The following TBC1D2B variants were observed in gnomAD, a reference collection of about 807,000 sequenced individuals.
TBC1D2B encodes the protein TBC1 domain family member 2B, also known as TBC1 domain family, member 2B.
In TBC1D2B, 64 loss-of-function variants were observed where a neutral mutation model predicts 100.8. The observed-to-expected ratio is 0.64, with a 90% CI of 0.52 to 0.78. The LOEUF (loss-of-function observed/expected upper bound fraction) is 0.78. TBC1D2B is among the 30% of genes least tolerant of loss of function. The pLI, the probability that TBC1D2B is intolerant of heterozygous loss-of-function variation, is 0.00. For missense variants in TBC1D2B, 1,052 were observed against 1,218.4 expected, an observed-to-expected ratio of 0.86 and a Z score of 2.03; for synonymous variants, 480 against 479.7, an observed-to-expected ratio of 1.00 and a Z score of -0.01.
intron 1 of TBC1D2B, 87 bp downstream of exon 1, chr15:78,077,206 G>A (rs2073843058): frequency 6.5e-6 from 9 of 1,385,846 alleles, no homozygotes; most frequent in Non-Finnish European, 8.4e-6. Flanking sequence ...AGGCCTTGGA[G>A]GAAGGAGGGT....
Position 78,024,138 on chromosome 15 carries a change from C to T in TBC1D2B, c.1470+18G>A, listed in dbSNP as rs754089509. On this transcript the variant is annotated intron_variant, in intron 6 of 12. Coordinates refer to ENST00000300584, the MANE Select transcript of TBC1D2B (RefSeq NM_144572.2). ...TGGTCTCTCATGCCAATCACCAGAG[C>T]CCCTGCCCCACTCTTACTTTCAGCC... 20 of 1,594,814 alleles carry T rather than the reference C, an allele frequency of 1.3e-5. No homozygotes were observed. The highest frequency in any genetic ancestry group is 1.7e-5 in the Non-Finnish European group (20 of 1,170,324).
intron 1 of TBC1D2B, among the ~76,000 whole-genome samples, chr15:78,067,555 T>C (rs1369373838): frequency 6.6e-6 from 1 of 152,200 alleles, no homozygotes; most frequent in Non-Finnish European, 1.5e-5. Flanking sequence ...ACATCTCTGA[T>C]AACATTAGCC....
At position 78,024,377 on chromosome 15, in the gene TBC1D2B, A is replaced by G. The variant is rs201797488; in HGVS notation, c.1249T>C (p.Leu417=). 1.7e-4 allele frequency: 273 copies of G among 1,613,986 alleles called. 3 individuals carry two copies. The South Asian group carries it at 2.6e-3, about 15-fold the overall frequency. The change falls in exon 6 of 13, where the codon TTG becomes CTG. Residue 417 remains leucine, a synonymous_variant. Coordinates refer to ENST00000300584, the MANE Select transcript of TBC1D2B (RefSeq NM_144572.2). ...GLTSQLERFS[L]EKESLQQEVR... ...TCCTGCTGAAGACTCTCCTTCTCCA[A>G]GCTGAACCTCTCCAGCTGGCTGGTA...
chr15:78,013,321 T>C lies in TBC1D2B; in HGVS notation c.1776-4A>G, dbSNP rs2072284484. On this transcript the variant is annotated splice_region_variant and splice_polypyrimidine_tract_variant and intron_variant, in intron 8 of 12. Transcript: ENST00000300584. ...GAACCCATAAATATCATATTCACTG[T>C]TGATAAAAACAAAAGGAAAAATTAA... The C allele has an allele frequency of 8.2e-6, 13 of 1,577,420 alleles. No homozygotes were observed. Among genetic ancestry groups the C allele is most frequent in the African/African-American group, 1.4e-5 (1 of 73,300 alleles).
chr15:78,024,266 T>C lies in TBC1D2B; in HGVS notation c.1360A>G (p.Ile454Val). The C allele has an allele frequency of 6.2e-7, 1 of 1,614,044 alleles. No individual in the cohort carries two copies. The highest frequency in any genetic ancestry group is 8.5e-7 in the Non-Finnish European group (1 of 1,179,902). Residue 454 changes from isoleucine (I) to valine (V), a missense_variant, in exon 6 of 13, where the codon ATC becomes GTC. Physicochemically the swap from Ile to Val is conservative, Grantham distance 29. Coordinates refer to ENST00000300584, the MANE Select transcript of TBC1D2B (RefSeq NM_144572.2). ...METIQAKDEVIIKLSEGEGNG... is the reference protein window; with the variant it reads ...METIQAKDEVVIKLSEGEGNG... The stretch of plus-strand genomic sequence containing the variant: ...CCCTCGCCCTCGCTGAGCTTGATGA[T>C]GACCTCGTCCTTGGCTTGGATGGTC...
chr15:78,018,668 G>C (rs929774506), intron 6 of TBC1D2B, among the ~76,000 whole-genome samples: 2 of 152,118 alleles, frequency 1.3e-5, no homozygotes, highest in African/African-American at 4.8e-5. Context: ...AGCAGGTCGG[G>C]GCAGGACACA....
chr15:78,019,709 G>A lies in TBC1D2B; in HGVS notation c.1471-1752C>T, dbSNP rs1006593794. On this transcript the variant is annotated intron_variant, in intron 6 of 12. Transcript: ENST00000300584. ...TTGAGACCAGCCTGGCTAACATGGC[G>A]AAACCCTGTCTCTACTAAAAATACA... Among the ~76,000 whole-genome samples, 6 of 146,722 alleles carry A rather than the reference G, an allele frequency of 4.1e-5. No individual in the cohort carries two copies. In the East Asian group the frequency reaches 9.9e-4, roughly 24 times the overall value.
chr15:78,011,654 T>G (rs75660166), intron 9 of TBC1D2B, among the ~76,000 whole-genome samples: 6 of 141,804 alleles, frequency 4.2e-5, no homozygotes, highest in Admixed American at 1.4e-4. Flanking sequence ...GGTTTTTTTT[T>G]TTTTTTTTTT....
chr15:78,002,972 T>G (rs2141621813), intron 11 of TBC1D2B: 4 of 194,160 alleles, frequency 2.1e-5, no homozygotes, highest in East Asian at 1.1e-4. Flanking sequence ...ATCCCCTGCT[T>G]ATTAGATCTC....
At chr15:78,005,247 C>A (rs1567012429) in intron 10 of TBC1D2B, among the ~76,000 whole-genome samples, 1 of 152,190 alleles carries the variant, frequency 6.6e-6, no homozygotes. Flanking sequence ...CCCTCCTCCA[C>A]TGAGCTCTGG....
At chr15:78,026,643 T>C (rs950919856) in intron 4 of TBC1D2B, among the ~76,000 whole-genome samples, 2 of 152,104 alleles carry the variant, frequency 1.3e-5, no homozygotes, top group East Asian at 1.9e-4. Flanking sequence ...GGGACAGGCA[T>C]GGTGGCTCAC....
chr15:78,076,274 A>C (rs2073827699), intron 1 of TBC1D2B, among the ~76,000 whole-genome samples: 1 of 152,182 alleles, frequency 6.6e-6, no homozygotes, highest in South Asian at 2.1e-4. Flanking sequence ...AGGGAGCCTC[A>C]AAGGAGCAAG....
intron 1 of TBC1D2B, among the ~76,000 whole-genome samples, chr15:78,072,035 A>G (rs1050007848): frequency 3.3e-5 from 5 of 152,178 alleles, no homozygotes; most frequent in African/African-American, 1.2e-4. Context: ...CACTAATCCC[A>G]TTCGTGAAGG....
In TBC1D2B at chr15:78,002,213, C is replaced by G. The variant is rs529072480; in HGVS notation, c.2575-473G>C. On this transcript the variant is annotated intron_variant, in intron 11 of 12. Coordinates refer to ENST00000300584, the MANE Select transcript of TBC1D2B (RefSeq NM_144572.2). ...TTTATTTTTATTTTTGAGATACAGT[C>G]TTGCTCTGCCACCCAGGCTGGAATG... Among the ~76,000 whole-genome samples, 4 of 152,226 alleles carry G rather than the reference C, an allele frequency of 2.6e-5. No homozygotes were observed. The South Asian group carries it at 8.3e-4, about 32-fold the overall frequency.
In TBC1D2B at chr15:78,045,027, T is replaced by C. The variant is rs767603518; in HGVS notation, c.556A>G (p.Arg186Gly). Residue 186 changes from arginine (R) to glycine (G), a missense_variant, in exon 3 of 13, where the codon AGA becomes GGA. Arg to Gly is a moderately radical substitution (Grantham distance 125). Transcript: ENST00000300584. Reference protein sequence around the residue: ...PHPNASAEKARNVLAVETVPG... With the variant: ...PHPNASAEKAGNVLAVETVPG... Reference sequence around the variant, plus strand: ...ACAGTCTCCACAGCTAGGACATTTCTGGCTTTTTCTGCAGAAGCATTTGGG... The same window carrying C: ...ACAGTCTCCACAGCTAGGACATTTCCGGCTTTTTCTGCAGAAGCATTTGGG... The C allele has an allele frequency of 1.2e-6, 2 of 1,612,728 alleles. No homozygotes were observed. The highest frequency in any genetic ancestry group is 1.1e-5 in the South Asian group (1 of 90,876).
chr15:78,039,551 C>T lies in TBC1D2B; in HGVS notation c.683+5349G>A, dbSNP rs372606643. Reference sequence around the variant, plus strand: ...CCTTACACCTGCATTGAGAAAGGCACCCCATCCACCTGACTCAAGGAAGTG... The same window carrying T: ...CCTTACACCTGCATTGAGAAAGGCATCCCATCCACCTGACTCAAGGAAGTG... On this transcript the variant is annotated intron_variant, in intron 3 of 12. Coordinates refer to ENST00000300584, the MANE Select transcript of TBC1D2B (RefSeq NM_144572.2). Among the ~76,000 whole-genome samples, 3 of 152,122 alleles carry T rather than the reference C, an allele frequency of 2.0e-5. No homozygotes were observed. In the East Asian group the frequency reaches 5.8e-4, roughly 29 times the overall value.
chr15:77,995,798 G>C lies in TBC1D2B; in HGVS notation c.*2362C>G, dbSNP rs2071736056. On this transcript the variant is annotated 3_prime_UTR_variant, in exon 13 of 13. Coordinates refer to ENST00000300584, the MANE Select transcript of TBC1D2B (RefSeq NM_144572.2). ...GTCCCCCTTGCAGGGGCCACGGGCTGGGTGTTGGGGTGAAGGTTCAGAGGA... is the reference window on the plus strand; with the variant it reads ...GTCCCCCTTGCAGGGGCCACGGGCTCGGTGTTGGGGTGAAGGTTCAGAGGA... 6.6e-6 allele frequency: 1 copy of C among 152,068 alleles called. No homozygotes were observed. The highest frequency in any genetic ancestry group is 2.4e-5 in the African/African-American group (1 of 41,402). 9.4% of individuals were successfully genotyped at this position (152,068 alleles called of 1,614,324 possible).
In TBC1D2B at chr15:77,997,784, A is replaced by C; in HGVS notation, c.*376T>G. The stretch of plus-strand genomic sequence containing the variant: ...TCAAAACCACACACCACTGCCCACT[A>C]TGTACAGGAGAGAGAATATGGGGAG... On this transcript the variant is annotated 3_prime_UTR_variant, in exon 13 of 13. Coordinates refer to ENST00000300584, the MANE Select transcript of TBC1D2B (RefSeq NM_144572.2). 5 of 161,862 alleles carry C rather than the reference A, an allele frequency of 3.1e-5. No homozygotes were observed. The highest frequency in any genetic ancestry group is 2.9e-3 in the Middle Eastern group (1 of 340). The allele number at this position is 161,862 out of a possible 1,614,324, so 10.0% of individuals were successfully genotyped here. A position where few individuals can be genotyped will look rare whatever the true frequency, so the allele number is the denominator to read the frequency against.
chr15:78,016,746 A>G lies in TBC1D2B; in HGVS notation c.1582-7T>C. The G allele has an allele frequency of 6.6e-7, 1 of 1,520,880 alleles. No individual in the cohort carries two copies. Among genetic ancestry groups the G allele is most frequent in the South Asian group, 1.3e-5 (1 of 74,872 alleles). The allele number at this position is 1,520,880 out of a possible 1,614,324, so 94.2% of individuals were successfully genotyped here. On this transcript the variant is annotated splice_region_variant and splice_polypyrimidine_tract_variant and intron_variant, in intron 7 of 12. Coordinates refer to ENST00000300584, the MANE Select transcript of TBC1D2B (RefSeq NM_144572.2). Reference sequence around the variant, plus strand: ...TGGCTTCCAGGCTAGAATACTGCAGAGAATGTGGTGGTTACCTCCATTCAG... The same window carrying G: ...TGGCTTCCAGGCTAGAATACTGCAGGGAATGTGGTGGTTACCTCCATTCAG...
Sources: allele counts gnomAD v4.1 joint callset (sites outside exome capture counted in the v4.1 genomes callset), GRCh38; gene constraint gnomAD v4.1.1; transcripts MANE v1.5; gene names NCBI Gene and HGNC (gene_info 2026-07-23, HGNC 2026-07-21).